ANKFN1: variants seen among roughly 807,000 people sequenced by gnomAD.
ANKFN1 encodes ankyrin repeat and fibronectin type-III domain-containing protein 1.
In ANKFN1, 74 loss-of-function variants were observed where a neutral mutation model predicts 108.7. The observed-to-expected ratio is 0.68, with a 90% CI of 0.56 to 0.83. ANKFN1 has a LOEUF of 0.83. Among genes scored for constraint, ANKFN1 ranks in the 40% least tolerant of loss-of-function variants. The pLI is 0.00. For missense variants in ANKFN1, 1,505 were observed against 1,382.3 expected (o/e 1.09, Z -1.41); for synonymous variants, 547 against 516.2 (o/e 1.06, Z -0.81).
At chr17:56,318,245 G>C (rs78550620) in intron 3 of ANKFN1, among the ~76,000 whole-genome samples, 1 of 152,056 alleles carries the variant, frequency 6.6e-6, no homozygotes, top group African/African-American at 2.4e-5. Flanking sequence ...GTTCTGGGGG[G>C]GGTGTGCTGG....
intron 8 of ANKFN1, among the ~76,000 whole-genome samples, chr17:56,400,534 G>A (rs1442855064): frequency 6.6e-6 from 1 of 152,130 alleles, no homozygotes; most frequent in African/African-American, 2.4e-5. Flanking sequence ...TCTGTGGGTT[G>A]TCTGTTTACT....
intron 8 of ANKFN1, among the ~76,000 whole-genome samples, chr17:56,392,130 T>G (rs1257561195): frequency 6.6e-6 from 1 of 152,158 alleles, no homozygotes; most frequent in East Asian, 1.9e-4. Context: ...TCACAGCGTA[T>G]CTTTAGGAGG....
intron 8 of ANKFN1, among the ~76,000 whole-genome samples, chr17:56,428,295 T>C (rs1567993936): frequency 6.6e-6 from 1 of 151,960 alleles, no homozygotes; most frequent in Non-Finnish European, 1.5e-5. Context: ...CAGTAAATAT[T>C]AATAGATGGT....
chr17:56,284,613 G>C (rs932550060), intron 3 of ANKFN1, among the ~76,000 whole-genome samples: 4 of 152,158 alleles, frequency 2.6e-5, no homozygotes, highest in African/African-American at 7.2e-5. Context: ...TCAATAACAT[G>C]TTGTGAAATT....
intron 3 of ANKFN1, among the ~76,000 whole-genome samples, chr17:56,305,438 G>A (rs918822952): frequency 2.6e-5 from 4 of 151,908 alleles, no homozygotes; most frequent in Non-Finnish European, 5.9e-5. Flanking sequence ...TGCCATCTAT[G>A]TATCCTCTTC....
At chr17:56,360,336 G>A (rs922938619) in intron 6 of ANKFN1, among the ~76,000 whole-genome samples, 1 of 152,012 alleles carries the variant, frequency 6.6e-6, no homozygotes, top group Non-Finnish European at 1.5e-5. Flanking sequence ...TCATTACATG[G>A]CCAAATCCTT....
chr17:56,399,723 A>G (rs1002116695), intron 8 of ANKFN1, among the ~76,000 whole-genome samples: 20 of 151,774 alleles, frequency 1.3e-4, no homozygotes, highest in African/African-American at 4.8e-4. Context: ...GTGAGAACAT[A>G]TGATGTTTGG....
intron 1 of ANKFN1, 41 bp downstream of exon 1, chr17:56,153,571 G>A: frequency 1.2e-6 from 2 of 1,611,512 alleles, no homozygotes; most frequent in African/African-American, 1.3e-5. Flanking sequence ...ATTGGTGTTT[G>A]GAGGCCATTG....
At chr17:56,271,786 C>T (rs540112429) in intron 3 of ANKFN1, among the ~76,000 whole-genome samples, 119 of 152,250 alleles carry the variant, frequency 7.8e-4, no homozygotes, top group Non-Finnish European at 1.4e-3. Context: ...AGATTGCATC[C>T]GGGGCTGGGT....
chr17:56,312,406 C>T (rs755630151), intron 3 of ANKFN1, among the ~76,000 whole-genome samples: 14 of 152,158 alleles, frequency 9.2e-5, no homozygotes, highest in Non-Finnish European at 1.8e-4. Flanking sequence ...GGGTTAGCAT[C>T]TAGGCATTAT....
intron 15 of ANKFN1, among the ~76,000 whole-genome samples, chr17:56,470,707 C>T (rs1225074419): frequency 2.0e-5 from 3 of 152,148 alleles, no homozygotes; most frequent in Admixed American, 1.3e-4. Flanking sequence ...ATCTACGAAT[C>T]CCTAGGGCCC....
chr17:56,418,873 A>G (rs1418111308), intron 8 of ANKFN1, among the ~76,000 whole-genome samples: 1 of 151,974 alleles, frequency 6.6e-6, no homozygotes, highest in Admixed American at 6.6e-5. Flanking sequence ...GGGTTAATGC[A>G]CCTTGCCCAG....
At chr17:56,460,558 G>A (rs1444374094) in intron 14 of ANKFN1, among the ~76,000 whole-genome samples, 1 of 151,912 alleles carries the variant, frequency 6.6e-6, no homozygotes, top group Non-Finnish European at 1.5e-5. Context: ...CTCAGGTGAT[G>A]ATTTCACTGT....
At chr17:56,140,639 A>T (rs1485429157) in intron 4 of ANKFN1, among the ~76,000 whole-genome samples, 1 of 152,148 alleles carries the variant, frequency 6.6e-6, no homozygotes, top group Non-Finnish European at 1.5e-5. Flanking sequence ...CTGTTTGTTC[A>T]TCTAAAAAGA....
At chr17:56,376,521 T>C (rs947692180) in intron 8 of ANKFN1, among the ~76,000 whole-genome samples, 3 of 152,232 alleles carry the variant, frequency 2.0e-5, no homozygotes, top group Non-Finnish European at 4.4e-5. Context: ...GTTTTCTTTC[T>C]TTCTGCCTCT....
Position 56,477,618 on chromosome 17 carries a change from G to A in ANKFN1, c.1904G>A (p.Cys635Tyr). The change falls in exon 16 of 21, where the codon TGC becomes TAC. Residue 635 changes from cysteine (C) to tyrosine (Y), a missense_variant. Coordinates refer to ENST00000682825, the MANE Select transcript of ANKFN1 (RefSeq NM_001370326.1). ...ACCCAAAAGTTGCCCAACATTCTCT[G>A]CCACGTGAAGATCCGTGAAAACAAT... is the stretch of plus-strand genomic sequence containing the variant. The part of the protein sequence containing the change: ...LVTQKLPNIL[C>Y]HVKIRENNNI... 6.2e-7 allele frequency: 1 copy of A among 1,613,674 alleles called. No homozygotes were observed. The highest frequency in any genetic ancestry group is 1.3e-5 in the African/African-American group (1 of 74,960).
At chr17:56,230,434 T>A (rs1214651206) in intron 3 of ANKFN1, among the ~76,000 whole-genome samples, 1 of 152,014 alleles carries the variant, frequency 6.6e-6, no homozygotes, top group Non-Finnish European at 1.5e-5. Flanking sequence ...TTTGGAAAAA[T>A]TTTACCATCT....
chr17:56,313,152 CAA>C (rs3027987), intron 3 of ANKFN1, among the ~76,000 whole-genome samples: 28,785 of 122,378 alleles, frequency 0.24, 3,609 homozygotes, highest in East Asian at 0.59. Context: ...GAATCCAACT[CAA>C]AAAAAAAAAA....
chr17:56,260,392 T>C lies in ANKFN1; in HGVS notation c.53+32435T>C, dbSNP rs530418765. The stretch of plus-strand genomic sequence containing the variant: ...CTTGGAATTGCCTTTTCTAATGTTA[T>C]TAAAAATCGGTGGTGGTGGTGGTGG... On this transcript the variant is annotated intron_variant, in intron 3 of 20. Coordinates refer to ENST00000682825, the MANE Select transcript of ANKFN1 (RefSeq NM_001370326.1). 1.3e-3 allele frequency among the ~76,000 whole-genome samples: 193 copies of C among 152,240 alleles called. 2 individuals are homozygous for C. The highest frequency in any genetic ancestry group is 0.012 in the South Asian group (57 of 4,814).
Sources: allele counts gnomAD v4.1 joint callset (sites outside exome capture counted in the v4.1 genomes callset), GRCh38; gene constraint gnomAD v4.1.1; transcripts MANE v1.5; gene names NCBI Gene and HGNC (gene_info 2026-07-23, HGNC 2026-07-21).